The following GLDC variants were observed in gnomAD, a reference collection of about 807,000 sequenced individuals.
GLDC encodes the protein glycine dehydrogenase (decarboxylating), mitochondrial.
GLDC carries 104 observed loss-of-function variants against 121.3 expected under a neutral mutation model. That is an observed-to-expected ratio of 0.86 (90% confidence interval 0.73 to 1.01). The LOEUF (loss-of-function observed/expected upper bound fraction) is 1.01. Ranked by LOEUF, GLDC falls within the 50% of genes least tolerant of loss-of-function variation. The probability of loss-of-function intolerance (pLI) is 0.00; values close to 1 mark genes in which losing one functional copy is unlikely to be tolerated. For missense variants in GLDC, 1,429 were observed against 1,306.6 expected (o/e 1.09, Z -1.44); for synonymous variants, 546 against 480.6 (o/e 1.14, Z -1.78).
chr9:6,620,112 G>A, intron 3 of GLDC, 72 bp downstream of exon 3: 2 of 1,477,324 alleles, frequency 1.4e-6, no homozygotes, highest in Admixed American at 1.7e-5. Flanking sequence ...GAGACTGCAA[G>A]GGGACAGATG....
intron 2 of GLDC, among the ~76,000 whole-genome samples, chr9:6,627,295 C>CAAAAAAAA: frequency 1.3e-5 from 1 of 77,822 alleles, no homozygotes; most frequent in Non-Finnish European, 2.7e-5. Context: ...GACTCCATCT[C>CAAAAAAAA]AAAAAAAAAA....
chr9:6,556,511 G>T (rs760749012), intron 17 of GLDC, among the ~76,000 whole-genome samples: 2 of 152,182 alleles, frequency 1.3e-5, no homozygotes, highest in African/African-American at 4.8e-5. Context: ...ATAAGATCCT[G>T]GCTGGGTGTG....
Position 6,588,451 on chromosome 9 carries a change from A to C in GLDC, c.1666-9T>G. ...TTCATGGTGCAGGATCCCTTTAAGA[A>C]GAACATCCAAAATGTATCACATTAG... is the stretch of plus-strand genomic sequence containing the variant. On this transcript the variant is annotated splice_polypyrimidine_tract_variant and intron_variant, in intron 13 of 24. Coordinates refer to ENST00000321612, the MANE Select transcript of GLDC (RefSeq NM_000170.3). 1.2e-6 allele frequency: 2 copies of C among 1,609,532 alleles called. No individual in the cohort carries two copies. Among genetic ancestry groups the C allele is most frequent in the Non-Finnish European group, 1.7e-6 (2 of 1,175,796 alleles).
At chr9:6,584,108 A>G (rs894936154) in intron 15 of GLDC, among the ~76,000 whole-genome samples, 4 of 152,264 alleles carry the variant, frequency 2.6e-5, no homozygotes, top group African/African-American at 9.6e-5. Flanking sequence ...AAATTATGCT[A>G]TGGTTATATC....
intron 7 of GLDC, 81 bp from the exon 8 acceptor site, chr9:6,602,286 TC>T: frequency 3.3e-6 from 3 of 904,870 alleles, no homozygotes; most frequent in South Asian, 2.7e-5. Context: ...CTTCTTTCCT[TC>T]CCAGCTTGAA....
chr9:6,626,843 A>C (rs1819252938), intron 2 of GLDC, among the ~76,000 whole-genome samples: 1 of 152,128 alleles, frequency 6.6e-6, no homozygotes, highest in African/African-American at 2.4e-5. Context: ...GCCCTGCCCC[A>C]TGTCCTCAAA....
intron 8 of GLDC, among the ~76,000 whole-genome samples, chr9:6,601,451 T>G (rs1818608931): frequency 6.6e-6 from 1 of 152,232 alleles, no homozygotes; most frequent in African/African-American, 2.4e-5. Flanking sequence ...TTTTTTGTCC[T>G]TTCTTACGCT....
At chr9:6,611,039 A>G (rs567408905) in intron 3 of GLDC, among the ~76,000 whole-genome samples, 2 of 152,354 alleles carry the variant, frequency 1.3e-5, no homozygotes, top group South Asian at 2.1e-4. Context: ...TTATTTGGAT[A>G]TTTGTTTTAT....
intron 4 of GLDC, among the ~76,000 whole-genome samples, chr9:6,607,327 A>G (rs1818755513): frequency 6.6e-6 from 1 of 152,316 alleles, no homozygotes; most frequent in Non-Finnish European, 1.5e-5. Context: ...TCACACCTGT[A>G]ATCCCAGCAC....
intron 16 of GLDC, among the ~76,000 whole-genome samples, chr9:6,561,695 C>T (rs1817763259): frequency 6.6e-6 from 1 of 152,062 alleles, no homozygotes; most frequent in South Asian, 2.1e-4. Context: ...AGTAACACGA[C>T]CCAGATTTGA....
intron 3 of GLDC, among the ~76,000 whole-genome samples, chr9:6,615,204 A>G (rs1818943996): frequency 6.6e-6 from 1 of 152,170 alleles, no homozygotes; most frequent in African/African-American, 2.4e-5. Context: ...AGCAACTGTA[A>G]ATTAGCATCT....
At chr9:6,616,343 T>C (rs932249154) in intron 3 of GLDC, among the ~76,000 whole-genome samples, 14 of 152,234 alleles carry the variant, frequency 9.2e-5, no homozygotes, top group Non-Finnish European at 1.9e-4. Flanking sequence ...GTGAGGTTAA[T>C]GTTATTTAGC....
chr9:6,645,598 TG>T lies in GLDC; in HGVS notation c.-100del. 2 of 871,694 alleles carry T rather than the reference TG, an allele frequency of 2.3e-6. No homozygotes were observed. Among genetic ancestry groups the T allele is most frequent in the Non-Finnish European group, 3.0e-6 (2 of 664,414 alleles). 54.0% of individuals were successfully genotyped at this position (871,694 alleles called of 1,614,324 possible). A position where few individuals can be genotyped will look rare whatever the true frequency, so the allele number is the denominator to read the frequency against. ...CCCCGGGTGGCGGCTGCGCCCGGCC[TG>T]GAGCCCCTTTCGCTGGACAGTCGGC... On this transcript the variant is annotated 5_prime_UTR_variant, in exon 1 of 25. Transcript: ENST00000321612.
intron 11 of GLDC, among the ~76,000 whole-genome samples, chr9:6,589,586 C>T (rs1000609453): frequency 6.6e-6 from 1 of 151,932 alleles, no homozygotes; most frequent in African/African-American, 2.4e-5. Flanking sequence ...TGCCACCACA[C>T]CTGGCTGATT....
chr9:6,602,338 A>T, intron 7 of GLDC, 133 bp from the exon 8 acceptor site: 1 of 699,302 alleles, frequency 1.4e-6, no homozygotes, highest in East Asian at 2.7e-5. Flanking sequence ...TTTATAAAGA[A>T]ACAATTTCTA....
chr9:6,557,294 T>G (rs779471792), intron 17 of GLDC, among the ~76,000 whole-genome samples: 1 of 152,078 alleles, frequency 6.6e-6, no homozygotes, highest in Non-Finnish European at 1.5e-5. Flanking sequence ...CTATTGTCAT[T>G]TAAAAAGATA....
chr9:6,590,354 A>G (rs1818351952), intron 11 of GLDC, among the ~76,000 whole-genome samples: 1 of 152,138 alleles, frequency 6.6e-6, no homozygotes, highest in Non-Finnish European at 1.5e-5. Context: ...TAATATGACT[A>G]ATACAGATTT....
At chr9:6,584,142 G>A (rs973080495) in intron 15 of GLDC, among the ~76,000 whole-genome samples, 2 of 152,144 alleles carry the variant, frequency 1.3e-5, no homozygotes, top group Non-Finnish European at 2.9e-5. Context: ...AATAATGAAA[G>A]GGAAAGGAAA....
At chr9:6,540,730 C>G (rs1015455301) in intron 21 of GLDC, 1 of 159,190 alleles carries the variant, frequency 6.3e-6, no homozygotes, top group African/African-American at 2.4e-5. Flanking sequence ...CGACGTCAAA[C>G]AGTATACCGT....
Sources: allele counts gnomAD v4.1 joint callset (sites outside exome capture counted in the v4.1 genomes callset), GRCh38; gene constraint gnomAD v4.1.1; transcripts MANE v1.5; gene names NCBI Gene and HGNC (gene_info 2026-07-23, HGNC 2026-07-21).